CENPU: variants seen among roughly 807,000 people sequenced by gnomAD.
The protein encoded by CENPU is KSHV latent nuclear antigen interacting protein 1.
A neutral mutation model predicts 56.7 loss-of-function variants in CENPU; 46 were observed. The ratio of observed to expected loss-of-function variants is 0.81; its 90% CI spans 0.64 to 1.04. CENPU has a LOEUF of 1.04. CENPU is among the 50% of genes least tolerant of loss of function. The pLI is 0.00. For synonymous variants in CENPU, 166 were observed against 163.0 expected (o/e 1.02, Z -0.14); for missense variants, 510 against 490.1 (o/e 1.04, Z -0.38).
intron 1 of CENPU, 44 bp from the exon 2 acceptor site, chr4:184,731,012 ATAAC>A (rs749970173): frequency 2.2e-5 from 31 of 1,401,870 alleles, no homozygotes; most frequent in Admixed American, 2.1e-4. Context: ...AATAGTTAAA[ATAAC>A]TGAGGAAACA....
intron 8 of CENPU, among the ~76,000 whole-genome samples, chr4:184,705,455 G>C (rs1760694010): frequency 2.0e-5 from 3 of 151,984 alleles, no homozygotes; most frequent in Admixed American, 6.6e-5. Flanking sequence ...AGACAGCGGG[G>C]GCACGAGAAC....
intron 6 of CENPU, 60 bp from the exon 7 acceptor site, chr4:184,713,073 G>C: frequency 9.5e-7 from 1 of 1,051,920 alleles, no homozygotes; most frequent in Non-Finnish European, 1.4e-6. Flanking sequence ...AAAACATTAG[G>C]ATTAAGACTG....
At chr4:184,714,077 C>T (rs953786422) in intron 6 of CENPU, 1 of 152,200 alleles carries the variant, frequency 6.6e-6, no homozygotes, top group African/African-American at 2.4e-5. Context: ...CAACTCACGG[C>T]TCATCAGAAA....
chr4:184,699,559 T>C (rs1407971307), intron 11 of CENPU: 3 of 1,288,712 alleles, frequency 2.3e-6, no homozygotes, highest in Non-Finnish European at 3.0e-6. Flanking sequence ...TATTTTGGCC[T>C]GGGTCAGTGA....
In CENPU at chr4:184,695,209, G is replaced by A; in HGVS notation, c.*79C>T. The A allele has an allele frequency of 1.0e-6, 1 of 956,116 alleles. No homozygotes were observed. The highest frequency in any genetic ancestry group is 2.9e-4 in the Middle Eastern group (1 of 3,444). 59.2% of individuals were successfully genotyped at this position (956,116 alleles called of 1,614,324 possible). ...GCCATAACTTCTTTGCAAAACAATT[G>A]ATTTATAAAGGTACAGTTTCAGAAG... On this transcript the variant is annotated 3_prime_UTR_variant, in exon 13 of 13. Transcript: ENST00000281453.
chr4:184,694,656 T>TTA lies in CENPU; in HGVS notation c.*630_*631dup, dbSNP rs774942233. 1.2e-6 allele frequency: 2 copies of TTA among 1,614,082 alleles called. No individual in the cohort carries two copies. The highest frequency in any genetic ancestry group is 1.1e-5 in the South Asian group (1 of 91,086). ...TCTGGGATAATGGCATTGATGATGCTTATTTTTTAGAAGCTACTGAAGATG... is the reference window on the plus strand; with the variant it reads ...TCTGGGATAATGGCATTGATGATGCTTATATTTTTTAGAAGCTACTGAAGATG... On this transcript the variant is annotated 3_prime_UTR_variant, in exon 13 of 13. Transcript: ENST00000281453.
rs976047176 is a variant in CENPU, at chr4:184,731,028, CAT to C, written c.48-62_48-61del. 6.5e-6 allele frequency: 8 copies of C among 1,231,770 alleles called. No homozygotes were observed. In the African/African-American group the frequency reaches 7.9e-5, roughly 12 times the overall value. 76.3% of individuals were successfully genotyped at this position (1,231,770 alleles called of 1,614,324 possible). On this transcript the variant is annotated intron_variant, in intron 1 of 12. Coordinates refer to ENST00000281453, the MANE Select transcript of CENPU (RefSeq NM_024629.4). ...ATAGTTAAAATAACTGAGGAAACACCATAGTTATGACCCTTTCCGCGCATTTT... is the reference window on the plus strand; with the variant it reads ...ATAGTTAAAATAACTGAGGAAACACCAGTTATGACCCTTTCCGCGCATTTT...
chr4:184,698,610 C>T (rs1254518577), intron 11 of CENPU, among the ~76,000 whole-genome samples: 2 of 152,072 alleles, frequency 1.3e-5, no homozygotes, highest in African/African-American at 4.8e-5. Flanking sequence ...ACACCACGCC[C>T]GGCTAAGTTT....
At chr4:184,720,907 G>C (rs1056635672) in intron 4 of CENPU, among the ~76,000 whole-genome samples, 2 of 152,094 alleles carry the variant, frequency 1.3e-5, no homozygotes, top group Non-Finnish European at 2.9e-5. Context: ...AGAAAGAAAA[G>C]GACATTAATG....
At chr4:184,731,571 A>G (rs1761646527) in intron 1 of CENPU, among the ~76,000 whole-genome samples, 1 of 152,252 alleles carries the variant, frequency 6.6e-6, no homozygotes, top group Non-Finnish European at 1.5e-5. Context: ...AAAACGGGAA[A>G]TAACAGTGGC....
intron 8 of CENPU, among the ~76,000 whole-genome samples, chr4:184,706,170 G>T (rs1316584411): frequency 6.6e-6 from 1 of 152,086 alleles, no homozygotes; most frequent in Non-Finnish European, 1.5e-5. Context: ...AATTTCTAAT[G>T]TAATATAATA....
At chr4:184,699,514 T>C in intron 11 of CENPU, 1 of 1,248,384 alleles carries the variant, frequency 8.0e-7, no homozygotes, top group South Asian at 1.2e-5. Context: ...CTTGTAAATG[T>C]TAGCTTTCCC....
chr4:184,730,885 T>G (rs1380816222), intron 2 of CENPU, 35 bp downstream of exon 2: 1 of 1,546,342 alleles, frequency 6.5e-7, no homozygotes, highest in Non-Finnish European at 8.7e-7. Flanking sequence ...GTACTGTCAA[T>G]TTTGAGAAAA....
intron 12 of CENPU, among the ~76,000 whole-genome samples, chr4:184,696,119 G>A (rs1760292909): frequency 6.6e-6 from 1 of 152,120 alleles, no homozygotes; most frequent in Non-Finnish European, 1.5e-5. Context: ...CTGTTTAATA[G>A]CATGTTTTCA....
intron 8 of CENPU, among the ~76,000 whole-genome samples, chr4:184,705,823 T>G (rs1387234571): frequency 6.6e-6 from 1 of 152,216 alleles, no homozygotes; most frequent in African/African-American, 2.4e-5. Flanking sequence ...CAGATGAGCC[T>G]TGAGGACATG....
intron 12 of CENPU, among the ~76,000 whole-genome samples, chr4:184,696,826 A>G (rs1164342206): frequency 2.0e-5 from 3 of 151,952 alleles, no homozygotes; most frequent in South Asian, 2.1e-4. Context: ...GCAACTACAA[A>G]ATGTATTAAA....
rs560367483 is a variant in CENPU, at chr4:184,713,389, G to A, written c.619-376C>T. On this transcript the variant is annotated intron_variant, in intron 6 of 12. Transcript: ENST00000281453. Reference sequence around the variant, plus strand: ...AGCCTGGGCAACAGAGCAAGACTCCGTCTCAAGAAGAAAAAAAACTTTAGC... The same window carrying A: ...AGCCTGGGCAACAGAGCAAGACTCCATCTCAAGAAGAAAAAAAACTTTAGC... Among the ~76,000 whole-genome samples, 12 of 152,246 alleles carry A rather than the reference G, an allele frequency of 7.9e-5. No individual in the cohort carries two copies. The South Asian group carries it at 1.0e-3, about 13-fold the overall frequency.
chr4:184,701,285 A>G (rs1258760307), intron 10 of CENPU, among the ~76,000 whole-genome samples: 2 of 152,232 alleles, frequency 1.3e-5, no homozygotes, highest in African/African-American at 2.4e-5. Context: ...TCGGACATTC[A>G]GTCACTTTTA....
At chr4:184,723,507 C>T (rs1761345977) in intron 4 of CENPU, among the ~76,000 whole-genome samples, 2 of 151,966 alleles carry the variant, frequency 1.3e-5, no homozygotes, top group Admixed American at 6.6e-5. Context: ...AAGTAGAGCA[C>T]GTTTTCCAAA....
Sources: gnomAD v4.1 joint callset for allele counts (sites outside exome capture counted in the v4.1 genomes callset) on GRCh38, gnomAD v4.1.1 for gene constraint, MANE v1.5 for transcripts, NCBI Gene and HGNC (gene_info 2026-07-23, HGNC 2026-07-21) for gene names.